DAPK2: variants seen among roughly 807,000 people sequenced by gnomAD.
The protein encoded by DAPK2 is death associated protein kinase 2.
A neutral mutation model predicts 44.1 loss-of-function variants in DAPK2; 35 were observed. That is an observed-to-expected ratio of 0.79 (90% CI 0.61 to 1.05). The LOEUF (loss-of-function observed/expected upper bound fraction) is 1.05. DAPK2 is among the 50% of genes least tolerant of loss of function. DAPK2 has a pLI of 0.00. For synonymous variants in DAPK2, 174 were observed against 182.6 expected, an observed-to-expected ratio of 0.95 and a Z score of 0.38; for missense variants, 453 against 483.2, an observed-to-expected ratio of 0.94 and a Z score of 0.59.
At chr15:63,932,094 G>A (rs992866093) in intron 4 of DAPK2, among the ~76,000 whole-genome samples, 1 of 151,758 alleles carries the variant, frequency 6.6e-6, no homozygotes, top group East Asian at 1.9e-4. Context: ...TTGAACCTGG[G>A]AGGTGGAGGT....
intron 4 of DAPK2, among the ~76,000 whole-genome samples, chr15:63,935,084 G>C (rs1157467520): frequency 7.7e-6 from 1 of 129,888 alleles, no homozygotes; most frequent in Non-Finnish European, 1.6e-5. Context: ...TTAAATCTTT[G>C]CCTTCTTTTT....
chr15:63,953,762 T>C (rs2077652011), intron 3 of DAPK2, among the ~76,000 whole-genome samples: 1 of 152,232 alleles, frequency 6.6e-6, no homozygotes, highest in Admixed American at 6.5e-5. Flanking sequence ...TTCCCCTTTC[T>C]CAGCATTGTT....
At chr15:64,033,300 G>T (rs1240017537) in intron 1 of DAPK2, among the ~76,000 whole-genome samples, 1 of 136,870 alleles carries the variant, frequency 7.3e-6, no homozygotes, top group Admixed American at 7.3e-5. Context: ...AAGGAAGGAA[G>T]GAAGGAAGGA....
In DAPK2 at chr15:64,016,877, A is replaced by C. The variant is rs188942424; in HGVS notation, c.92+23293T>G. On this transcript the variant is annotated intron_variant, in intron 1 of 10. Transcript: ENST00000261891. ...GAAGGAAGGAAGGAAGGAAGGAAGG[A>C]AGGAAGGAAGGAAGGAAGGAAGGAC... is the stretch of plus-strand genomic sequence containing the variant. Among the ~76,000 whole-genome samples the C allele has an allele frequency of 5.2e-3, 785 of 150,526 alleles. 6 individuals are homozygous for C. Among genetic ancestry groups the C allele is most frequent in the Non-Finnish European group, 6.6e-3 (447 of 67,472 alleles).
At chr15:64,023,051 C>T (rs1273022525) in intron 1 of DAPK2, among the ~76,000 whole-genome samples, 1 of 152,212 alleles carries the variant, frequency 6.6e-6, no homozygotes, top group Non-Finnish European at 1.5e-5. Context: ...TCTTTACCTT[C>T]TCTTTTAGTT....
chr15:64,042,471 C>T (rs1419196954), upstream of DAPK2, among the ~76,000 whole-genome samples: 2 of 152,194 alleles, frequency 1.3e-5, no homozygotes, highest in Non-Finnish European at 2.9e-5. The surrounding 1 kb of genome is among the most constrained non-coding windows in gnomAD (Gnocchi z 4.7). Context: ...GGCAGAAACC[C>T]TGAGAGTGGT....
At chr15:63,963,719 T>C (rs531848965) in intron 3 of DAPK2, among the ~76,000 whole-genome samples, 17 of 152,346 alleles carry the variant, frequency 1.1e-4, no homozygotes, top group South Asian at 2.1e-4. Context: ...ATCTCTGCTG[T>C]AGGTTTTTTG....
At chr15:63,975,908 T>C (rs1025684350) in intron 2 of DAPK2, among the ~76,000 whole-genome samples, 1 of 152,358 alleles carries the variant, frequency 6.6e-6, no homozygotes, top group East Asian at 1.9e-4. Flanking sequence ...ATGATTCTTA[T>C]ATGGCTAAAA....
At chr15:64,002,154 G>C (rs2079101517) in intron 1 of DAPK2, among the ~76,000 whole-genome samples, 1 of 152,110 alleles carries the variant, frequency 6.6e-6, no homozygotes, top group Admixed American at 6.6e-5. Flanking sequence ...CAGGGCCCTG[G>C]GGAGAGTGGC....
chr15:63,943,633 G>A (rs1282021858), intron 3 of DAPK2, among the ~76,000 whole-genome samples: 1 of 152,060 alleles, frequency 6.6e-6, no homozygotes, highest in Non-Finnish European at 1.5e-5. Flanking sequence ...AGCACTTTGG[G>A]AGGCTGAAGT....
intron 1 of DAPK2, among the ~76,000 whole-genome samples, chr15:64,004,950 T>A (rs899416857): frequency 1.3e-5 from 2 of 152,218 alleles, no homozygotes; most frequent in African/African-American, 4.8e-5. Context: ...TCCTTTGAGA[T>A]GAAGGTTTTC....
intron 1 of DAPK2, among the ~76,000 whole-genome samples, chr15:64,000,813 T>C (rs2079065141): frequency 1.3e-5 from 2 of 151,734 alleles, no homozygotes; most frequent in Admixed American, 1.3e-4. Flanking sequence ...GAGTGTAAAA[T>C]GAAGGTGGTG....
chr15:63,919,278 T>C (rs1334975605), intron 8 of DAPK2: 2 of 152,192 alleles, frequency 1.3e-5, no homozygotes, highest in Non-Finnish European at 2.9e-5. Context: ...TTACAGTGAC[T>C]GGACATGAGC....
At chr15:63,986,633 C>T (rs1238134842) in intron 1 of DAPK2, among the ~76,000 whole-genome samples, 3 of 152,126 alleles carry the variant, frequency 2.0e-5, no homozygotes, top group Non-Finnish European at 4.4e-5. Context: ...GCCAATGATT[C>T]CCACGCACAG....
At chr15:64,036,305 G>GTATATATATA (rs1247245619) in intron 1 of DAPK2, among the ~76,000 whole-genome samples, 4 of 50,794 alleles carry the variant, frequency 7.9e-5, no homozygotes, top group South Asian at 5.2e-4. Flanking sequence ...GTGTGTGTGT[G>GTATATATATA]TGTGTATATA....
intron 8 of DAPK2, among the ~76,000 whole-genome samples, chr15:63,915,803 T>C (rs553172237): frequency 6.6e-6 from 1 of 152,312 alleles, no homozygotes; most frequent in African/African-American, 2.4e-5. Flanking sequence ...TCCTAATCAA[T>C]GGGCCTTCCT....
At chr15:63,929,682 C>A in intron 5 of DAPK2, 105 bp from the exon 7 acceptor site, 2 of 1,350,774 alleles carry the variant, frequency 1.5e-6, no homozygotes, top group East Asian at 2.3e-5. Flanking sequence ...GCCTCCTCCA[C>A]AGCAGACCCT....
rs200490899 is a variant in DAPK2, at chr15:63,926,101, C to A, written c.660-8G>T. 1.3e-6 allele frequency: 2 copies of A among 1,593,896 alleles called. No individual in the cohort carries two copies. The highest frequency in any genetic ancestry group is 2.3e-5 in the South Asian group (2 of 87,834). ...GGGGATGCTCCACTTAAGCTGAGTA[C>A]GACAGACAGGGAATCAAATAACTAA... On this transcript the variant is annotated splice_region_variant and splice_polypyrimidine_tract_variant and intron_variant, in intron 6 of 10. Coordinates refer to ENST00000261891, the Ensembl canonical transcript of DAPK2.
At chr15:64,035,179 A>C (rs543380269) in intron 1 of DAPK2, among the ~76,000 whole-genome samples, 1 of 152,194 alleles carries the variant, frequency 6.6e-6, no homozygotes, top group South Asian at 2.1e-4. Context: ...AAAAAAAAAA[A>C]ATCATCTAAG....
Sources: gnomAD v4.1 joint callset for allele counts (sites outside exome capture counted in the v4.1 genomes callset) on GRCh38, gnomAD v4.1.1 for gene constraint, Gnocchi (gnomAD v3.1) non-coding constraint, MANE v1.5 for transcripts, NCBI Gene and HGNC (gene_info 2026-07-23, HGNC 2026-07-21) for gene names.